The following SPNS2 variants were observed in gnomAD, a reference collection of about 807,000 sequenced individuals.
The protein encoded by SPNS2 is sphingosine-1-phosphate transporter SPNS2.
SPNS2 carries 37 observed loss-of-function variants against 57.6 expected under a neutral mutation model. That is an observed-to-expected ratio of 0.64 (90% confidence interval 0.49 to 0.85). SPNS2 has a LOEUF of 0.85. Ranked by LOEUF, SPNS2 falls within the 40% of genes least tolerant of loss-of-function variation. SPNS2 has a pLI of 0.00. For synonymous variants in SPNS2, 440 were observed against 346.9 expected (o/e 1.27, Z -2.98); for missense variants, 831 against 779.1 (o/e 1.07, Z -0.79).
At chr17:4,530,949 C>A in intron 4 of SPNS2, 104 bp from the exon 5 acceptor site, 2 of 1,494,932 alleles carry the variant, frequency 1.3e-6, no homozygotes, top group Non-Finnish European at 1.8e-6. Context: ...CCCTGGCCAG[C>A]TGGCTGGGTG....
intron 2 of SPNS2, among the ~76,000 whole-genome samples, chr17:4,518,872 T>C (rs1905066711): frequency 6.6e-6 from 1 of 152,148 alleles, no homozygotes; most frequent in Non-Finnish European, 1.5e-5. Context: ...GCCCTCCTTT[T>C]CAAGGAGTGG....
At chr17:4,530,956 G>C in intron 4 of SPNS2, 97 bp from the exon 5 acceptor site, 1 of 1,506,914 alleles carries the variant, frequency 6.6e-7, no homozygotes. Context: ...CAGCTGGCTG[G>C]GTGGGGAGGG....
chr17:4,531,179 G>C (rs1262995979), intron 5 of SPNS2, 60 bp downstream of exon 5: 1 of 1,542,874 alleles, frequency 6.5e-7, no homozygotes, highest in Non-Finnish European at 8.9e-7. Flanking sequence ...CCCCAGGGTT[G>C]CCCAGAGATG....
Position 4,533,313 on chromosome 17 carries a change from T to A in SPNS2, c.1159T>A (p.Trp387Arg), listed in dbSNP as rs760619910. The stretch of plus-strand genomic sequence containing the variant: ...GGTCACGGGGGCAGGAGCCACGCGC[T>A]GGTGCCGCCTGAAGACCCAGCGGGC... Reference protein sequence around the residue: ...GVVTGAGATRWCRLKTQRADP... With the variant: ...GVVTGAGATRRCRLKTQRADP... Residue 387 changes from tryptophan (W) to arginine (R), a missense_variant, in exon 8 of 13, where the codon TGG becomes AGG. Physicochemically the swap from Trp to Arg is moderately radical, Grantham distance 101. This residue lies in a region of SPNS2 where 526 missense variants were observed against 400.9 expected (regional missense o/e 1.31). Coordinates refer to ENST00000329078, the MANE Select transcript of SPNS2 (RefSeq NM_001124758.3). 6.2e-7 allele frequency: 1 copy of A among 1,611,802 alleles called. No homozygotes were observed. Among genetic ancestry groups the A allele is most frequent in the Non-Finnish European group, 8.5e-7 (1 of 1,179,380 alleles).
intron 6 of SPNS2, 88 bp downstream of exon 6, chr17:4,532,772 C>A: frequency 6.6e-7 from 1 of 1,508,708 alleles, no homozygotes; most frequent in Non-Finnish European, 9.0e-7. Context: ...CACTAGCACC[C>A]TCAGCCAGAC....
intron 8 of SPNS2, 75 bp downstream of exon 8, chr17:4,533,507 G>T (rs894078083): frequency 2.8e-6 from 4 of 1,444,424 alleles, no homozygotes; most frequent in African/African-American, 1.4e-5. Flanking sequence ...AGGACATTCG[G>T]TCTGACTTAC....
At chr17:4,517,438 A>C (rs542214389) in intron 2 of SPNS2, among the ~76,000 whole-genome samples, 30 of 152,300 alleles carry the variant, frequency 2.0e-4, no homozygotes, top group African/African-American at 6.7e-4. Context: ...CGGGTGGATC[A>C]CCCGAGGTCA....
At chr17:4,501,403 G>A (rs1354169834) in intron 1 of SPNS2, among the ~76,000 whole-genome samples, 1 of 152,156 alleles carries the variant, frequency 6.6e-6, no homozygotes, top group Non-Finnish European at 1.5e-5. Context: ...GTCAGCATGG[G>A]GGAATGAGAT....
Position 4,513,316 on chromosome 17 carries a change from A to G in SPNS2, c.436+4A>G, listed in dbSNP as rs1407779095. ...GGCGCCGGCCTGCTGCAGTCAGGTG[A>G]GGCCCACCTCCCACCTTCCCCCCCA... On this transcript the variant is annotated splice_donor_region_variant and intron_variant, in intron 2 of 12. Transcript: ENST00000329078. 2 of 1,613,668 alleles carry G rather than the reference A, an allele frequency of 1.2e-6. No individual in the cohort carries two copies. Among genetic ancestry groups the G allele is most frequent in the Admixed American group, 3.3e-5 (2 of 60,000 alleles).
chr17:4,536,166 A>G lies in SPNS2; in HGVS notation c.1435A>G (p.Ile479Val), dbSNP rs780511453. 3 of 1,611,492 alleles carry G rather than the reference A, an allele frequency of 1.9e-6. No homozygotes were observed. Among genetic ancestry groups the G allele is most frequent in the Admixed American group, 3.3e-5 (2 of 59,934 alleles). ...GGGGGACGCCGGGAGCCCCTACCTC[A>G]TTGGCTTTGTGAGTAGCCCCGGGGT... ...LLGDAGSPYL[I>V]GFISDLIRQS... The change falls in exon 10 of 13, where the codon ATT (isoleucine) becomes GTT (valine). Residue 479 changes from isoleucine to valine, a missense_variant. By Grantham distance (29) the Ile-to-Val change is conservative. Transcript: ENST00000329078.
At position 4,525,209 on chromosome 17, in the gene SPNS2, G is replaced by T. The variant is rs1905234708; in HGVS notation, c.573+16G>T. The T allele has an allele frequency of 6.2e-7, 1 of 1,613,002 alleles. No homozygotes were observed. On this transcript the variant is annotated intron_variant, in intron 3 of 12. Coordinates refer to ENST00000329078, the MANE Select transcript of SPNS2 (RefSeq NM_001124758.3). The stretch of plus-strand genomic sequence containing the variant: ...TCCCCAGCAGGTGAGGCCCGGCTCG[G>T]CTTCTCCCCGACCCCTGTGTCCTGG...
Position 4,533,065 on chromosome 17 carries a change from C to T in SPNS2, c.1024C>T (p.Arg342Cys), listed in dbSNP as rs746565744. Reference protein sequence around the residue: ...LGMWIPLYLHRAQVVQKTAET... With the variant: ...LGMWIPLYLHCAQVVQKTAET... ...CATGTGGATCCCGCTCTACCTGCAC[C>T]GCGCCCAAGTTGTGCAGAAGACAGC... Residue 342 changes from arginine to cysteine, a missense_variant, in exon 7 of 13, where the codon CGC becomes TGC. Arg to Cys is a radical substitution (Grantham distance 180, BLOSUM62 -3). This residue lies in a region of SPNS2 where 526 missense variants were observed against 400.9 expected (regional missense o/e 1.31). Transcript: ENST00000329078. The T allele has an allele frequency of 4.3e-6, 7 of 1,613,206 alleles. No homozygotes were observed. The highest frequency in any genetic ancestry group is 1.3e-5 in the African/African-American group (1 of 74,926).
At chr17:4,521,256 G>A (rs1002765939) in intron 2 of SPNS2, among the ~76,000 whole-genome samples, 1 of 152,196 alleles carries the variant, frequency 6.6e-6, no homozygotes, top group African/African-American at 2.4e-5. Flanking sequence ...CAGGCACAGG[G>A]AGAACAATTC....
chr17:4,512,544 G>C lies in SPNS2; in HGVS notation c.371-703G>C, dbSNP rs1027014839. Among the ~76,000 whole-genome samples, 1 of 152,120 alleles carries C rather than the reference G, an allele frequency of 6.6e-6. No homozygotes were observed. The highest frequency in any genetic ancestry group is 2.4e-5 in the African/African-American group (1 of 41,396). ...CCACTTCTCCCAAGAAAACGGGCCTGGAGCCCCGCCTGCTTCCCTCTGTAC... is the reference window on the plus strand; with the variant it reads ...CCACTTCTCCCAAGAAAACGGGCCTCGAGCCCCGCCTGCTTCCCTCTGTAC... On this transcript the variant is annotated intron_variant, in intron 1 of 12. Transcript: ENST00000329078. The surrounding 1 kb of genome is among the most constrained non-coding windows in gnomAD (Gnocchi z 5.2).
intron 2 of SPNS2, among the ~76,000 whole-genome samples, chr17:4,518,299 T>C (rs1050710290): frequency 6.6e-6 from 1 of 151,762 alleles, no homozygotes; most frequent in Non-Finnish European, 1.5e-5. Context: ...CTGAGGCGGG[T>C]GGATCACGAG....
Position 4,510,144 on chromosome 17 carries a change from G to C in SPNS2, c.371-3103G>C, listed in dbSNP as rs1904792983. On this transcript the variant is annotated intron_variant, in intron 1 of 12. Transcript: ENST00000329078. The surrounding 1 kb of genome is among the most constrained non-coding windows in gnomAD (Gnocchi z 4.4). ...CTCCTGTGGCTGTGGCCGCCTCCAGGCCCGGAAGAGGGAAAGCAAGCCAGA... is the reference window on the plus strand; with the variant it reads ...CTCCTGTGGCTGTGGCCGCCTCCAGCCCCGGAAGAGGGAAAGCAAGCCAGA... Among the ~76,000 whole-genome samples, 1 of 152,266 alleles carries C rather than the reference G, an allele frequency of 6.6e-6. No individual in the cohort carries two copies. Among genetic ancestry groups the C allele is most frequent in the South Asian group, 2.1e-4 (1 of 4,838 alleles).
Position 4,536,432 on chromosome 17 carries a change from T to TG in SPNS2, c.1607+13dup, listed in dbSNP as rs3053652. On this transcript the variant is annotated splice_region_variant and intron_variant, in intron 11 of 12. Coordinates refer to ENST00000329078, the MANE Select transcript of SPNS2 (RefSeq NM_001124758.3). Reference sequence around the variant, plus strand: ...CGCGCCAGGGCTGAGCAGCAGTGAGTGGGGGGGAGGGGAGGCCCTGCTGCA... The same window carrying TG: ...CGCGCCAGGGCTGAGCAGCAGTGAGTGGGGGGGGAGGGGAGGCCCTGCTGCA... 0.19 allele frequency: 291,843 copies of TG among 1,576,248 alleles called. 28,197 individuals carry two copies. Among genetic ancestry groups the TG allele is most frequent in the South Asian group, 0.21 (18,481 of 90,126 alleles).
At position 4,510,188 on chromosome 17, in the gene SPNS2, G is replaced by A. The variant is rs1451015107; in HGVS notation, c.371-3059G>A. 6.6e-6 allele frequency among the ~76,000 whole-genome samples: 1 copy of A among 152,248 alleles called. No individual in the cohort carries two copies. Among genetic ancestry groups the A allele is most frequent in the African/African-American group, 2.4e-5 (1 of 41,474 alleles). The stretch of plus-strand genomic sequence containing the variant: ...AGCCAGAAAGGTTCAGCCCAGGTCC[G>A]ACCTTGGGCCTCGCAGCCTGCAGGA... On this transcript the variant is annotated intron_variant, in intron 1 of 12. Transcript: ENST00000329078. This position sits in a 1 kb window ranked among gnomAD's most constrained non-coding sequence, Gnocchi z 4.4.
chr17:4,499,392 C>A lies in SPNS2; in HGVS notation c.345C>A (p.Asn115Lys). ...TCCTCAGCTTGGGCAACGTGCTCAA[C>A]TACCTGGACAGGTACACCGTGGCAG... ...AAILSLGNVL[N>K]YLDRYTVAGV... Residue 115 changes from asparagine to lysine, a missense_variant, in exon 1 of 13, where the codon AAC becomes AAA. Coordinates refer to ENST00000329078, the MANE Select transcript of SPNS2 (RefSeq NM_001124758.3). The surrounding 1 kb of genome is among the most constrained non-coding windows in gnomAD (Gnocchi z 5.2). 7.2e-7 allele frequency: 1 copy of A among 1,386,092 alleles called. No homozygotes were observed. Among genetic ancestry groups the A allele is most frequent in the Non-Finnish European group, 9.3e-7 (1 of 1,070,642 alleles). The allele number at this position is 1,386,092 out of a possible 1,614,324, so 85.9% of individuals were successfully genotyped here.
Sources: gnomAD v4.1 joint callset for allele counts (sites outside exome capture counted in the v4.1 genomes callset) on GRCh38, gnomAD v4.1.1 for gene constraint, gnomAD v4.1.1 regional missense constraint, Gnocchi (gnomAD v3.1) non-coding constraint, MANE v1.5 for transcripts, NCBI Gene and HGNC (gene_info 2026-07-23, HGNC 2026-07-21) for gene names.